SEMA3D: variants seen among roughly 807,000 people sequenced by gnomAD.
The protein encoded by SEMA3D is semaphorin-3D.
Under a neutral mutation model 100.1 loss-of-function variants are expected in SEMA3D, and 84 were observed. The observed-to-expected ratio is 0.84, with a 90% CI of 0.70 to 1.01. The LOEUF (loss-of-function observed/expected upper bound fraction) is 1.01. SEMA3D is among the 50% of genes least tolerant of loss of function. The pLI, the probability that SEMA3D is intolerant of heterozygous loss-of-function variation, is 0.00. For synonymous variants in SEMA3D, 312 were observed against 320.7 expected (o/e 0.97, Z 0.29); for missense variants, 875 against 934.1 (o/e 0.94, Z 0.82).
rs1020683915 is a variant in SEMA3D, at chr7:85,090,011, A to T, written c.312+7794T>A. Among the ~76,000 whole-genome samples, 5 of 152,196 alleles carry T rather than the reference A, an allele frequency of 3.3e-5. No individual in the cohort carries two copies. In the East Asian group the frequency reaches 9.6e-4, roughly 29 times the overall value. On this transcript the variant is annotated intron_variant, in intron 4 of 18. Coordinates refer to ENST00000284136, the MANE Select transcript of SEMA3D (RefSeq NM_001384900.1). The stretch of plus-strand genomic sequence containing the variant: ...AGTCCACAAATGGTCAGTAATTTAG[A>T]ACCTGTGGTCCAATTACTCTTGCGG...
intron 16 of SEMA3D, among the ~76,000 whole-genome samples, chr7:85,014,507 C>A (rs879814425): frequency 6.6e-6 from 1 of 151,624 alleles, no homozygotes; most frequent in Non-Finnish European, 1.5e-5. Context: ...TTTCTAAGAG[C>A]ACATAAAGCA....
At chr7:85,154,110 T>G (rs577774409) in intron 1 of SEMA3D, among the ~76,000 whole-genome samples, 1 of 152,082 alleles carries the variant, frequency 6.6e-6, no homozygotes, top group African/African-American at 2.4e-5. Context: ...CAGAAACCCT[T>G]ATCTGCTCCT....
chr7:85,131,683 A>C (rs565717904), intron 2 of SEMA3D, among the ~76,000 whole-genome samples: 13 of 152,046 alleles, frequency 8.6e-5, no homozygotes, highest in Middle Eastern at 3.6e-3. Flanking sequence ...GATATAGTAC[A>C]TTCAATGGTA....
chr7:85,048,810 T>TA (rs1791079127), intron 9 of SEMA3D, among the ~76,000 whole-genome samples: 1 of 151,860 alleles, frequency 6.6e-6, no homozygotes, highest in African/African-American at 2.4e-5. Flanking sequence ...TCAACTCCGG[T>TA]AAGTTAAGTT....
intron 8 of SEMA3D, among the ~76,000 whole-genome samples, chr7:85,060,386 T>C (rs990856477): frequency 8.5e-5 from 13 of 152,314 alleles, no homozygotes; most frequent in Non-Finnish European, 1.9e-4. Context: ...TAGTATTTTA[T>C]GACAGAAACT....
intron 16 of SEMA3D, among the ~76,000 whole-genome samples, chr7:85,013,812 G>C (rs1202024317): frequency 1.3e-5 from 2 of 151,700 alleles, no homozygotes; most frequent in Non-Finnish European, 2.9e-5. Flanking sequence ...AATTATGATG[G>C]TATAAGGTAC....
At chr7:85,241,882 T>C in the SEMA3D span, among the ~76,000 whole-genome samples, 1 of 151,998 alleles carries the variant, frequency 6.6e-6, no homozygotes, top group Non-Finnish European at 1.5e-5. Context: ...TTTCCTCATT[T>C]AAAGTGGATT....
chr7:85,198,471 G>A, the SEMA3D span, among the ~76,000 whole-genome samples: 501 of 151,988 alleles, frequency 3.3e-3, 2 homozygotes, highest in African/African-American at 0.012. Context: ...GATTAGCTTG[G>A]TTTTAAAGGT....
the SEMA3D span, among the ~76,000 whole-genome samples, chr7:85,227,409 A>G: frequency 1.3e-5 from 2 of 152,138 alleles, no homozygotes; most frequent in Non-Finnish European, 2.9e-5. Flanking sequence ...AGGACACCCC[A>G]AAGAGCTGCT....
chr7:85,141,209 AC>A, intron 2 of SEMA3D: 6 of 982,914 alleles, frequency 6.1e-6, no homozygotes, highest in South Asian at 4.7e-5. Flanking sequence ...ACACATATTA[AC>A]CCCCTCTCTT....
chr7:85,040,836 A>T, intron 10 of SEMA3D, 94 bp from the exon 11 acceptor site: 2 of 652,800 alleles, frequency 3.1e-6, no homozygotes, highest in Non-Finnish European at 5.5e-6. Flanking sequence ...AAATCTAAAC[A>T]GTTTATACGA....
At chr7:85,177,075 A>G (rs1455747401) in intron 1 of SEMA3D, among the ~76,000 whole-genome samples, 1 of 152,130 alleles carries the variant, frequency 6.6e-6, no homozygotes. Flanking sequence ...GGTTCATTCT[A>G]TGATGTTTGC....
At chr7:85,074,164 CCAGGAGACAGG>C (rs890666169) in intron 5 of SEMA3D, among the ~76,000 whole-genome samples, 1 of 151,942 alleles carries the variant, frequency 6.6e-6, no homozygotes, top group African/African-American at 2.4e-5. Flanking sequence ...TTGGCTTTAC[CCAGGAGACAGG>C]CAAGTGTTGG....
chr7:85,087,890 A>G (rs1490617493), intron 4 of SEMA3D, among the ~76,000 whole-genome samples: 2 of 152,170 alleles, frequency 1.3e-5, no homozygotes, highest in Non-Finnish European at 2.9e-5. Flanking sequence ...GTATGAAAAG[A>G]GACCATATTA....
chr7:85,054,731 G>T (rs897567092), intron 9 of SEMA3D, among the ~76,000 whole-genome samples: 1 of 152,056 alleles, frequency 6.6e-6, no homozygotes, highest in Non-Finnish European at 1.5e-5. Context: ...AGAAGAAAAT[G>T]AAAAGTTTGT....
intron 9 of SEMA3D, among the ~76,000 whole-genome samples, chr7:85,054,416 T>C (rs1446376425): frequency 1.3e-5 from 2 of 152,070 alleles, no homozygotes; most frequent in South Asian, 4.1e-4. Flanking sequence ...TTAGGACTAC[T>C]CCAAACAACA....
intron 13 of SEMA3D, among the ~76,000 whole-genome samples, chr7:85,022,005 C>G (rs1326836452): frequency 6.6e-6 from 1 of 151,754 alleles, no homozygotes; most frequent in African/African-American, 2.4e-5. Flanking sequence ...TATCTTAAGT[C>G]AACTAAGTCA....
intron 14 of SEMA3D, among the ~76,000 whole-genome samples, chr7:85,018,989 T>G (rs1049052841): frequency 6.6e-6 from 1 of 151,554 alleles, no homozygotes; most frequent in Admixed American, 6.6e-5. Flanking sequence ...CAAGCAGTAT[T>G]AGATGTTAAA....
At chr7:85,115,564 A>G (rs929827372) in intron 3 of SEMA3D, among the ~76,000 whole-genome samples, 2 of 151,996 alleles carry the variant, frequency 1.3e-5, no homozygotes, top group African/African-American at 4.8e-5. Context: ...CAAACTTTCC[A>G]TATCTTTTTT....
Sources: allele counts gnomAD v4.1 joint callset (sites outside exome capture counted in the v4.1 genomes callset), GRCh38; gene constraint gnomAD v4.1.1; transcripts MANE v1.5; gene names NCBI Gene and HGNC (gene_info 2026-07-23, HGNC 2026-07-21).